PARD3B: variants seen among roughly 807,000 people sequenced by gnomAD.
PARD3B encodes the protein par-3 family cell polarity regulator beta, also known as partitioning defective 3 homolog B.
In PARD3B, 103 loss-of-function variants were observed where a neutral mutation model predicts 130.2. The ratio of observed to expected loss-of-function variants is 0.79; its 90% CI spans 0.67 to 0.93. PARD3B has a LOEUF of 0.93. PARD3B is among the 40% of genes least tolerant of loss of function. The probability of loss-of-function intolerance (pLI) is 0.00; values close to 1 mark genes in which losing one functional copy is unlikely to be tolerated. For synonymous variants in PARD3B, 583 were observed against 553.2 expected (o/e 1.05, Z -0.76); for missense variants, 1,609 against 1,499.2 (o/e 1.07, Z -1.21).
intron 2 of PARD3B, among the ~76,000 whole-genome samples, chr2:204,875,181 A>C (rs1457320981): frequency 6.6e-6 from 1 of 152,196 alleles, no homozygotes; most frequent in Non-Finnish European, 1.5e-5. Flanking sequence ...AGAGTGGTAC[A>C]ACCATCACCC....
rs1343670834 is a variant in PARD3B, at chr2:205,590,636, C to T, written c.3261-24820C>T. On this transcript the variant is annotated intron_variant, in intron 22 of 22. Transcript: ENST00000406610. This position sits in a 1 kb window ranked among gnomAD's most constrained non-coding sequence, Gnocchi z 4.1. The stretch of plus-strand genomic sequence containing the variant: ...GAATGATTCCCAAAAGAACAGAAGG[C>T]TGTCACCAGGATAAAGTAGGACAGA... Among the ~76,000 whole-genome samples, 2 of 152,100 alleles carry T rather than the reference C, an allele frequency of 1.3e-5. No individual in the cohort carries two copies. The highest frequency in any genetic ancestry group is 1.9e-4 in the East Asian group (1 of 5,172).
chr2:205,482,416 GCA>G (rs1354562490), intron 20 of PARD3B, among the ~76,000 whole-genome samples: 1 of 152,100 alleles, frequency 6.6e-6, no homozygotes, highest in Non-Finnish European at 1.5e-5. Context: ...AGAAAGGGTG[GCA>G]GATGGCAAAA....
At chr2:205,557,435 G>A (rs1365929165) in intron 22 of PARD3B, among the ~76,000 whole-genome samples, 1 of 152,116 alleles carries the variant, frequency 6.6e-6, no homozygotes, top group African/African-American at 2.4e-5. Context: ...GGCATTCAAC[G>A]TTAGCCCCTC....
intron 18 of PARD3B, among the ~76,000 whole-genome samples, chr2:205,383,569 A>C (rs887651121): frequency 6.6e-6 from 1 of 152,022 alleles, no homozygotes; most frequent in African/African-American, 2.4e-5. Context: ...TATAGTTTGT[A>C]TATCTGTTTG....
intron 2 of PARD3B, among the ~76,000 whole-genome samples, chr2:204,766,677 G>C (rs985404612): frequency 1.3e-5 from 2 of 151,806 alleles, no homozygotes; most frequent in African/African-American, 4.8e-5. Flanking sequence ...GCAGACATCA[G>C]TGCTGTTATA....
intron 10 of PARD3B, among the ~76,000 whole-genome samples, chr2:205,156,355 A>T: frequency 6.6e-6 from 1 of 151,870 alleles, no homozygotes; most frequent in Non-Finnish European, 1.5e-5. Flanking sequence ...TGGCACATGT[A>T]TACATATGTA....
chr2:205,412,271 A>T (rs2046625820), intron 19 of PARD3B, among the ~76,000 whole-genome samples: 1 of 152,098 alleles, frequency 6.6e-6, no homozygotes, highest in South Asian at 2.1e-4. Context: ...TTAGCATCTC[A>T]TATTGAGAGT....
chr2:204,943,884 C>T lies in PARD3B; in HGVS notation c.223-21268C>T, dbSNP rs1235142085. 6.6e-6 allele frequency among the ~76,000 whole-genome samples: 1 copy of T among 151,938 alleles called. No individual in the cohort carries two copies. Among genetic ancestry groups the T allele is most frequent in the East Asian group, 1.9e-4 (1 of 5,170 alleles). On this transcript the variant is annotated intron_variant, in intron 2 of 22. Transcript: ENST00000406610. The surrounding 1 kb of genome is among the most constrained non-coding windows in gnomAD (Gnocchi z 4.2). Reference sequence around the variant, plus strand: ...TCAGAGGGGAAACAAAGTTAAAGCCCAAAGAGTAAAATACTAAAGGGAAAT... The same window carrying T: ...TCAGAGGGGAAACAAAGTTAAAGCCTAAAGAGTAAAATACTAAAGGGAAAT...
chr2:205,226,040 G>A (rs2125883372), intron 15 of PARD3B, among the ~76,000 whole-genome samples: 1 of 152,226 alleles, frequency 6.6e-6, no homozygotes, highest in East Asian at 1.9e-4. Flanking sequence ...TGTCACCCAG[G>A]CTAGAGTGCA....
intron 18 of PARD3B, among the ~76,000 whole-genome samples, chr2:205,358,770 C>G (rs953602963): frequency 4.6e-5 from 7 of 152,192 alleles, no homozygotes; most frequent in Non-Finnish European, 7.4e-5. Flanking sequence ...ACATGCCATT[C>G]TTTACATTCC....
At chr2:204,561,682 G>A (rs919883311) in intron 1 of PARD3B, among the ~76,000 whole-genome samples, 3 of 148,906 alleles carry the variant, frequency 2.0e-5, no homozygotes, top group African/African-American at 7.5e-5. Flanking sequence ...TGCAACCTCC[G>A]CCTCCAGGGT....
At chr2:205,601,547 G>A (rs913968993) in intron 22 of PARD3B, among the ~76,000 whole-genome samples, 1 of 152,104 alleles carries the variant, frequency 6.6e-6, no homozygotes, top group Non-Finnish European at 1.5e-5. Flanking sequence ...AATTGCTTTC[G>A]ATGTTTTCAT....
intron 3 of PARD3B, among the ~76,000 whole-genome samples, chr2:204,981,310 A>G (rs1251305621): frequency 6.6e-6 from 1 of 152,216 alleles, no homozygotes; most frequent in Non-Finnish European, 1.5e-5. Context: ...CAAATTGGAA[A>G]CAACCTAAAT....
At chr2:205,013,676 A>T (rs1695901099) in intron 3 of PARD3B, among the ~76,000 whole-genome samples, 2 of 152,224 alleles carry the variant, frequency 1.3e-5, no homozygotes, top group African/African-American at 4.8e-5. Context: ...AAAGCAAAAA[A>T]TCAGTATCGA....
At chr2:204,829,897 G>A (rs1406252325) in intron 2 of PARD3B, among the ~76,000 whole-genome samples, 1 of 151,290 alleles carries the variant, frequency 6.6e-6, no homozygotes, top group African/African-American at 2.4e-5. Flanking sequence ...TACTTGGGAG[G>A]CTGAGGCAGG....
At chr2:204,685,145 C>T (rs940566670) in intron 1 of PARD3B, among the ~76,000 whole-genome samples, 3 of 152,016 alleles carry the variant, frequency 2.0e-5, no homozygotes, top group African/African-American at 7.2e-5. Flanking sequence ...AGTTCTTATC[C>T]CTAATAAAGA....
At chr2:204,897,240 A>G (rs914060274) in intron 2 of PARD3B, among the ~76,000 whole-genome samples, 4 of 152,158 alleles carry the variant, frequency 2.6e-5, no homozygotes, top group African/African-American at 9.6e-5. Context: ...TCTTTATTTT[A>G]TAAGCAGTTT....
chr2:204,647,604 A>C (rs2035320377), intron 1 of PARD3B, among the ~76,000 whole-genome samples: 1 of 151,870 alleles, frequency 6.6e-6, no homozygotes, highest in South Asian at 2.1e-4. Flanking sequence ...GTACACTGTG[A>C]TCATATGCAA....
chr2:204,847,868 G>T (rs1559194973), intron 2 of PARD3B, among the ~76,000 whole-genome samples: 1 of 152,190 alleles, frequency 6.6e-6, no homozygotes, highest in Non-Finnish European at 1.5e-5. Context: ...AGGTTGCTAA[G>T]ATCTGTCACA....
Sources: gnomAD v4.1 joint callset for allele counts (sites outside exome capture counted in the v4.1 genomes callset) on GRCh38, gnomAD v4.1.1 for gene constraint, Gnocchi (gnomAD v3.1) non-coding constraint, MANE v1.5 for transcripts, NCBI Gene and HGNC (gene_info 2026-07-23, HGNC 2026-07-21) for gene names.